CDH2: variants seen among roughly 807,000 people sequenced by gnomAD.
CDH2 encodes cadherin 2.
In CDH2, 17 loss-of-function variants were observed where a neutral mutation model predicts 92.0. That is an observed-to-expected ratio of 0.18 (90% confidence interval 0.13 to 0.28). The LOEUF (loss-of-function observed/expected upper bound fraction) is 0.28, where lower values mean the gene tolerates loss of function less well. Among genes scored for constraint, CDH2 ranks in the 10% least tolerant of loss-of-function variants. CDH2 has a pLI of 1.00. For missense variants in CDH2, 862 were observed against 1,133.1 expected, an observed-to-expected ratio of 0.76 and a Z score of 3.44; for synonymous variants, 419 against 415.9, an observed-to-expected ratio of 1.01 and a Z score of -0.09.
intron 1 of CDH2, among the ~76,000 whole-genome samples, chr18:28,175,642 AGC>A (rs1371540989): frequency 6.6e-6 from 1 of 151,924 alleles, no homozygotes; most frequent in African/African-American, 2.4e-5. Context: ...GGCGGGCCGG[AGC>A]GCGCCAGGCC....
intron 14 of CDH2, among the ~76,000 whole-genome samples, chr18:27,968,037 C>T (rs2011571935): frequency 6.6e-6 from 1 of 152,192 alleles, no homozygotes; most frequent in Non-Finnish European, 1.5e-5. Flanking sequence ...TACCATTCCA[C>T]CAGTATTTAT....
intron 2 of CDH2, among the ~76,000 whole-genome samples, chr18:28,028,109 T>G (rs1415046955): frequency 6.6e-6 from 1 of 152,118 alleles, no homozygotes; most frequent in African/African-American, 2.4e-5. Flanking sequence ...ACATGAATTT[T>G]ACTCATAACA....
At chr18:28,026,899 T>G (rs974082366) in intron 2 of CDH2, among the ~76,000 whole-genome samples, 7 of 152,090 alleles carry the variant, frequency 4.6e-5, no homozygotes, top group Admixed American at 3.3e-4. Flanking sequence ...TCATCTCCCT[T>G]GACATTAAGC....
At chr18:28,033,526 C>A (rs2013750946) in intron 2 of CDH2, among the ~76,000 whole-genome samples, 1 of 151,828 alleles carries the variant, frequency 6.6e-6, no homozygotes, top group African/African-American at 2.4e-5. Context: ...ACAGATGTAT[C>A]TGACAGCAGG....
chr18:28,050,630 T>G (rs182410066), intron 2 of CDH2, among the ~76,000 whole-genome samples: 98 of 152,304 alleles, frequency 6.4e-4, no homozygotes, highest in Admixed American at 1.8e-3. Context: ...TTTTTCTATT[T>G]AAAAATGTTT....
rs2016221263 is a variant in CDH2, at chr18:28,156,639, C to CAGAATGTCACCTTCCCAGGTAT, written c.61-8856_61-8855insATACCTGGGAAGGTGACATTCT. On this transcript the variant is annotated intron_variant, in intron 1 of 15. Coordinates refer to ENST00000269141, the MANE Select transcript of CDH2 (RefSeq NM_001792.5). ...GTACAGCATGTCACCTTCCCAGGTG[C>CAGAATGTCACCTTCCCAGGTAT]AGCATGTCACCTTCCCAGGTGCAGA... Among the ~76,000 whole-genome samples, 8 of 39,810 alleles carry CAGAATGTCACCTTCCCAGGTAT rather than the reference C, an allele frequency of 2.0e-4. 3 individuals are homozygous for CAGAATGTCACCTTCCCAGGTAT. The highest frequency in any genetic ancestry group is 2.0e-3 in the South Asian group (2 of 1,010). 26.1% of individuals were successfully genotyped at this position (39,810 alleles called of 152,430 possible).
chr18:28,108,155 A>T (rs1052200362), intron 2 of CDH2, among the ~76,000 whole-genome samples: 3 of 152,072 alleles, frequency 2.0e-5, no homozygotes, highest in African/African-American at 7.2e-5. Context: ...TACTTATCCC[A>T]TTAACAGATA....
intron 2 of CDH2, 27 bp downstream of exon 2, chr18:28,147,646 G>A (rs750668615): frequency 2.2e-6 from 3 of 1,383,958 alleles, no homozygotes; most frequent in South Asian, 2.4e-5. Flanking sequence ...GACACTGCAT[G>A]TACAAATATA....
intron 1 of CDH2, among the ~76,000 whole-genome samples, chr18:28,175,321 T>C (rs925626172): frequency 1.3e-5 from 2 of 152,108 alleles, no homozygotes; most frequent in Admixed American, 1.3e-4. Context: ...GAGTGGCGGA[T>C]GGCGAGTGGG....
At chr18:27,936,322 A>G (rs1363692494) in intron 6 of CDH2, among the ~76,000 whole-genome samples, 1 of 152,186 alleles carries the variant, frequency 6.6e-6, no homozygotes, top group Non-Finnish European at 1.5e-5. Flanking sequence ...TGCGGATGCC[A>G]TGGTGCATAT....
At chr18:28,118,068 C>A (rs925197059) in intron 2 of CDH2, among the ~76,000 whole-genome samples, 9 of 151,662 alleles carry the variant, frequency 5.9e-5, no homozygotes, top group Admixed American at 3.3e-4. Context: ...AAGTTTAGGG[C>A]AACACACACT....
intron 1 of CDH2, among the ~76,000 whole-genome samples, chr18:28,155,649 G>A (rs2016197180): frequency 6.6e-6 from 1 of 152,166 alleles, no homozygotes; most frequent in East Asian, 1.9e-4. Flanking sequence ...TCTTCCAAAC[G>A]ACATAAGCGA....
At chr18:28,143,068 TC>T (rs1477134531) in intron 2 of CDH2, among the ~76,000 whole-genome samples, 1 of 151,980 alleles carries the variant, frequency 6.6e-6, no homozygotes, top group Non-Finnish European at 1.5e-5. Context: ...TAAATCAAAT[TC>T]CATCTAGTTG....
intron 14 of CDH2, among the ~76,000 whole-genome samples, chr18:27,974,562 C>T (rs1419205210): frequency 6.6e-6 from 1 of 152,128 alleles, no homozygotes; most frequent in African/African-American, 2.4e-5. Context: ...AGACATGTCC[C>T]CCAAAACACA....
intron 7 of CDH2, among the ~76,000 whole-genome samples, chr18:27,993,943 C>T (rs1567954757): frequency 6.6e-6 from 1 of 152,146 alleles, no homozygotes; most frequent in South Asian, 2.1e-4. Context: ...CTTCACTTCA[C>T]GAGATTGTGA....
At chr18:27,985,871 C>A (rs111398492) in intron 11 of CDH2, 110 bp from the exon 12 acceptor site, 1 of 666,532 alleles carries the variant, frequency 1.5e-6, no homozygotes. Context: ...AACTGTGTAA[C>A]CTTGGAAAAA....
chr18:28,160,474 AG>A (rs1434091520), intron 1 of CDH2, among the ~76,000 whole-genome samples: 1 of 152,224 alleles, frequency 6.6e-6, no homozygotes, highest in Non-Finnish European at 1.5e-5. Context: ...CAAGAACACT[AG>A]CAAGGGTCTC....
chr18:27,972,063 G>T (rs561745624), intron 14 of CDH2, among the ~76,000 whole-genome samples: 1 of 152,004 alleles, frequency 6.6e-6, no homozygotes, highest in South Asian at 2.1e-4. Context: ...GAAAAGTGGC[G>T]GGTTTGTTCT....
chr18:28,145,079 T>C (rs552111343), intron 2 of CDH2, among the ~76,000 whole-genome samples: 8 of 152,222 alleles, frequency 5.3e-5, no homozygotes, highest in African/African-American at 1.7e-4. Context: ...ATGTTAATTG[T>C]TGGAAAAATC....
Sources: gnomAD v4.1 joint callset for allele counts (sites outside exome capture counted in the v4.1 genomes callset) on GRCh38, gnomAD v4.1.1 for gene constraint, MANE v1.5 for transcripts, NCBI Gene and HGNC (gene_info 2026-07-23, HGNC 2026-07-21) for gene names.